Variants in PHF3 observed in about 807,000 individuals in gnomAD.
The protein encoded by PHF3 is PHD finger protein 3.
A neutral mutation model predicts 178.4 loss-of-function variants in PHF3; 41 were observed. The observed-to-expected ratio is 0.23, with a 90% confidence interval of 0.18 to 0.30. The LOEUF (loss-of-function observed/expected upper bound fraction) is 0.30. Among genes scored for constraint, PHF3 ranks in the 10% least tolerant of loss-of-function variants. The probability of loss-of-function intolerance (pLI) is 1.00; values close to 1 mark genes in which losing one functional copy is unlikely to be tolerated. For synonymous variants in PHF3, 842 were observed against 800.5 expected (o/e 1.05, Z -0.88); for missense variants, 2,346 against 2,398.1 (o/e 0.98, Z 0.45).
Position 63,691,908 on chromosome 6 carries a change from C to A in PHF3, c.2361C>A (p.Asn787Lys). The A allele has an allele frequency of 6.2e-7, 1 of 1,613,562 alleles. No individual in the cohort carries two copies. The highest frequency in any genetic ancestry group is 8.5e-7 in the Non-Finnish European group (1 of 1,179,864). The change falls in exon 5 of 16, where the codon AAC becomes AAA. Residue 787 changes from asparagine to lysine, a missense_variant. Coordinates refer to ENST00000262043, the MANE Select transcript of PHF3 (RefSeq NM_001370348.2). Reference sequence around the variant, plus strand: ...TACTAGATCCAGATACTTTGGAAAACCAAGCTACAGTTGAATTCCATAGTG... The same window carrying A: ...TACTAGATCCAGATACTTTGGAAAAACAAGCTACAGTTGAATTCCATAGTG... ...TEILDPDTLE[N>K]QATVEFHSGD...
chr6:63,694,726 C>A lies in PHF3; in HGVS notation c.2642C>A (p.Thr881Lys), dbSNP rs779450098. The A allele has an allele frequency of 1.3e-6, 2 of 1,575,412 alleles. No individual in the cohort carries two copies. Among genetic ancestry groups the A allele is most frequent in the Admixed American group, 1.8e-5 (1 of 55,440 alleles). Residue 881 changes from threonine to lysine, a missense_variant, in exon 6 of 16, where the codon ACA (threonine) becomes AAA (lysine). This residue lies in a region of PHF3 where 252 missense variants were observed against 232.0 expected (regional missense o/e 1.09). Coordinates refer to ENST00000262043, the MANE Select transcript of PHF3 (RefSeq NM_001370348.2). ...AGTGAAAAAATACCGAAAGAGTCTACAACTGTTACTTGCACAGGAGAAAAA... is the reference window on the plus strand; with the variant it reads ...AGTGAAAAAATACCGAAAGAGTCTAAAACTGTTACTTGCACAGGAGAAAAA... The part of the protein sequence containing the change: ...EKSEKIPKES[T>K]TVTCTGEKAS...
chr6:63,691,714 T>C, intron 4 of PHF3, 23 bp from the exon 5 acceptor site: 2 of 1,528,920 alleles, frequency 1.3e-6, no homozygotes, highest in Non-Finnish European at 1.8e-6. Context: ...GGGATAAAAG[T>C]TTTTTGGTGT....
At chr6:63,662,836 T>C (rs1406950204) in intron 2 of PHF3, among the ~76,000 whole-genome samples, 1 of 152,240 alleles carries the variant, frequency 6.6e-6, no homozygotes, top group African/African-American at 2.4e-5. Flanking sequence ...TGACATTGTT[T>C]AAAGCATAAT....
chr6:63,657,902 G>A (rs886841183), intron 2 of PHF3, among the ~76,000 whole-genome samples: 2 of 152,222 alleles, frequency 1.3e-5, no homozygotes, highest in African/African-American at 2.4e-5. Context: ...TGTGGGATAA[G>A]TAGGCTTTAG....
intron 2 of PHF3, among the ~76,000 whole-genome samples, chr6:63,669,934 A>T (rs763499039): frequency 6.6e-6 from 1 of 152,152 alleles, no homozygotes; most frequent in Non-Finnish European, 1.5e-5. Flanking sequence ...TCCAAGTTGT[A>T]GTAATTCTCT....
At position 63,712,660 on chromosome 6, in the gene PHF3, TAACAG is replaced by T; in HGVS notation, c.5077_5081del (p.Glu1693AsnfsTer20). On this transcript the variant is annotated frameshift_variant, in exon 16 of 16. Coordinates refer to ENST00000262043, the MANE Select transcript of PHF3 (RefSeq NM_001370348.2). LOFTEE classifies it high-confidence loss of function. ...GGCCTGTCACACAACAAGGAGCACT[TAACAG>T]AACAAATCAATGTAGAGGAAAAGTT... is the stretch of plus-strand genomic sequence containing the variant. The T allele has an allele frequency of 6.2e-7, 1 of 1,613,822 alleles. No homozygotes were observed. The highest frequency in any genetic ancestry group is 2.2e-5 in the East Asian group (1 of 44,832).
intron 2 of PHF3, among the ~76,000 whole-genome samples, chr6:63,650,410 T>C (rs1303068981): frequency 6.6e-6 from 1 of 152,202 alleles, no homozygotes; most frequent in Non-Finnish European, 1.5e-5. Flanking sequence ...TTGATTCATA[T>C]TGTGTAATTG....
At position 63,707,583 on chromosome 6, in the gene PHF3, T is replaced by C. The variant is rs553481472; in HGVS notation, c.3711+707T>C. Among the ~76,000 whole-genome samples the C allele has an allele frequency of 2.1e-4, 32 of 152,364 alleles. No individual in the cohort carries two copies. In the South Asian group the frequency reaches 4.1e-3, roughly 20 times the overall value. On this transcript the variant is annotated intron_variant, in intron 13 of 15. Coordinates refer to ENST00000262043, the MANE Select transcript of PHF3 (RefSeq NM_001370348.2). ...GGAAAATAAATCAGTACATATATAC[T>C]GTATTTATGTTGAGATCATATTTTG...
At chr6:63,706,586 T>G in intron 12 of PHF3, 143 bp from the exon 13 acceptor site, 2 of 674,930 alleles carry the variant, frequency 3.0e-6, no homozygotes, top group Non-Finnish European at 4.9e-6. Flanking sequence ...GAATGTAATT[T>G]TATAAAATGA....
At chr6:63,674,322 G>GTAT (rs150014434) in intron 2 of PHF3, among the ~76,000 whole-genome samples, 4 of 123,442 alleles carry the variant, frequency 3.2e-5, no homozygotes, top group Non-Finnish European at 5.4e-5. Flanking sequence ...ACATATATAT[G>GTAT]GTGTATATAT....
chr6:63,678,155 G>A (rs1283596201), intron 2 of PHF3, among the ~76,000 whole-genome samples: 1 of 151,752 alleles, frequency 6.6e-6, no homozygotes, highest in African/African-American at 2.4e-5. Flanking sequence ...CCTGGGAGGT[G>A]GAGGTTGCAG....
chr6:63,636,792 A>G (rs1764359876), intron 1 of PHF3: 1 of 152,130 alleles, frequency 6.6e-6, no homozygotes, highest in Non-Finnish European at 1.5e-5. Flanking sequence ...TTCCGATAAT[A>G]CATGTAATTT....
Position 63,716,047 on chromosome 6 carries a change from A to C in PHF3, c.*2339A>C, listed in dbSNP as rs1379826386. ...GGTAAAAGTACCAGGGCATCTCAGT[A>C]CCTGTAAAGTTCACCCCATGTAATC... On this transcript the variant is annotated 3_prime_UTR_variant, in exon 16 of 16. Coordinates refer to ENST00000262043, the MANE Select transcript of PHF3 (RefSeq NM_001370348.2). Among the ~76,000 whole-genome samples, 1 of 152,182 alleles carries C rather than the reference A, an allele frequency of 6.6e-6. No homozygotes were observed. The highest frequency in any genetic ancestry group is 1.5e-5 in the Non-Finnish European group (1 of 68,016).
At chr6:63,655,474 A>G (rs979422957) in intron 2 of PHF3, among the ~76,000 whole-genome samples, 14 of 152,044 alleles carry the variant, frequency 9.2e-5, no homozygotes, top group Non-Finnish European at 2.1e-4. Flanking sequence ...TAGCCCCCCA[A>G]AGTGCTGGGA....
Position 63,720,622 on chromosome 6 carries a change from C to T in PHF3, c.*6914C>T. The stretch of plus-strand genomic sequence containing the variant: ...TATGTAACCTCATTTTGTTCATCTC[C>T]ATCATAAACATTGTATCCTTCTAAT... On this transcript the variant is annotated 3_prime_UTR_variant, in exon 16 of 16. Transcript: ENST00000262043. 3 of 1,498,730 alleles carry T rather than the reference C, an allele frequency of 2.0e-6. No individual in the cohort carries two copies. The highest frequency in any genetic ancestry group is 1.4e-5 in the South Asian group (1 of 73,960). The allele number at this position is 1,498,730 out of a possible 1,614,324, so 92.8% of individuals were successfully genotyped here. A position where few individuals can be genotyped will look rare whatever the true frequency, so the allele number is the denominator to read the frequency against.
chr6:63,638,792 T>G (rs1764455917), intron 1 of PHF3, among the ~76,000 whole-genome samples: 1 of 152,160 alleles, frequency 6.6e-6, no homozygotes, highest in African/African-American at 2.4e-5. Context: ...GATAGACACT[T>G]TTTCAACTAT....
rs907792738 is a variant in PHF3, at chr6:63,713,769, CAAAAG to C, written c.*65_*69del. On this transcript the variant is annotated 3_prime_UTR_variant, in exon 16 of 16. Transcript: ENST00000262043. The stretch of plus-strand genomic sequence containing the variant: ...CTGTTAAAATGTTGTATCTTGTAAA[CAAAAG>C]AAAGATTGCCTGCTAGGATTGTGCC... 39 of 1,343,800 alleles carry C rather than the reference CAAAAG, an allele frequency of 2.9e-5. No individual in the cohort carries two copies. The Admixed American group carries it at 7.5e-4, about 26-fold the overall frequency. The allele number at this position is 1,343,800 out of a possible 1,614,324, so 83.2% of individuals were successfully genotyped here. A position where few individuals can be genotyped will look rare whatever the true frequency, so the allele number is the denominator to read the frequency against.
intron 2 of PHF3, among the ~76,000 whole-genome samples, chr6:63,675,146 A>G (rs1582053028): frequency 6.6e-6 from 1 of 152,196 alleles, no homozygotes. Flanking sequence ...ATGTAAAATC[A>G]GGCTCGAAGA....
At chr6:63,648,296 T>A (rs1764875036) in intron 2 of PHF3, among the ~76,000 whole-genome samples, 1 of 152,218 alleles carries the variant, frequency 6.6e-6, no homozygotes, top group Non-Finnish European at 1.5e-5. Context: ...GTATAGTAGC[T>A]CTAATTATCT....
Sources: allele counts gnomAD v4.1 joint callset (sites outside exome capture counted in the v4.1 genomes callset), GRCh38; gene constraint gnomAD v4.1.1; regional missense constraint gnomAD v4.1.1; transcripts MANE v1.5; gene names NCBI Gene and HGNC (gene_info 2026-07-23, HGNC 2026-07-21).